Variants in SORCS3 observed in about 807,000 individuals in gnomAD.
SORCS3 encodes sortilin related VPS10 domain containing receptor 3, also known as VPS10 domain-containing receptor SorCS3.
In SORCS3, 57 loss-of-function variants were observed where a neutral mutation model predicts 146.3. The observed-to-expected ratio is 0.39, with a 90% CI of 0.31 to 0.49. SORCS3 has a LOEUF of 0.49. Among genes scored for constraint, SORCS3 ranks in the 20% least tolerant of loss-of-function variants. The pLI is 0.92. For missense variants in SORCS3, 1,341 were observed against 1,575.5 expected (o/e 0.85, Z 2.52); for synonymous variants, 653 against 618.5 (o/e 1.06, Z -0.83).
chr10:104,944,693 G>C (rs560066582), intron 3 of SORCS3, among the ~76,000 whole-genome samples: 1 of 152,274 alleles, frequency 6.6e-6, no homozygotes, highest in African/African-American at 2.4e-5. Context: ...AAAATGAAAA[G>C]ATAATATCAA....
chr10:104,803,046 T>TTGTC (rs1333283991), intron 1 of SORCS3, among the ~76,000 whole-genome samples: 1 of 152,176 alleles, frequency 6.6e-6, no homozygotes, highest in Non-Finnish European at 1.5e-5. Flanking sequence ...CCCTCTAAGT[T>TTGTC]TGTCCTTTTC....
intron 6 of SORCS3, among the ~76,000 whole-genome samples, chr10:105,104,280 TA>T (rs1790946019): frequency 6.6e-6 from 1 of 152,244 alleles, no homozygotes; most frequent in African/African-American, 2.4e-5. Context: ...TTTGATCATT[TA>T]TTTTTAAATT....
intron 2 of SORCS3, among the ~76,000 whole-genome samples, chr10:104,870,001 A>G (rs1162657427): frequency 6.6e-6 from 1 of 152,230 alleles, no homozygotes; most frequent in Non-Finnish European, 1.5e-5. Context: ...GAGTAAATGA[A>G]TGAGTAGATA....
At position 104,940,267 on chromosome 10, in the gene SORCS3, AGTTCTAGGGTACATGTGCACAATGTGC is replaced by A. The variant is rs1185714907; in HGVS notation, c.795+24336_795+24362del. On this transcript the variant is annotated intron_variant, in intron 3 of 26. Coordinates refer to ENST00000369701, the MANE Select transcript of SORCS3 (RefSeq NM_014978.3). ...TTTTTTTTTTTTTTATTATACTTTAAGTTCTAGGGTACATGTGCACAATGTGCAGGTTTCTTACATATGTATACATGT... is the reference window on the plus strand; with the variant it reads ...TTTTTTTTTTTTTTATTATACTTTAAAGGTTTCTTACATATGTATACATGT... 1.2e-3 allele frequency among the ~76,000 whole-genome samples: 113 copies of A among 96,898 alleles called. 1 individual carries two copies. The highest frequency in any genetic ancestry group is 1.7e-3 in the Non-Finnish European group (71 of 42,170). The allele number at this position is 96,898 out of a possible 152,430, so 63.6% of individuals were successfully genotyped here. A position where few individuals can be genotyped will look rare whatever the true frequency, so the allele number is the denominator to read the frequency against.
At chr10:105,200,441 C>T (rs1356143533) in intron 15 of SORCS3, among the ~76,000 whole-genome samples, 1 of 152,086 alleles carries the variant, frequency 6.6e-6, no homozygotes, top group Non-Finnish European at 1.5e-5. Context: ...CCAAGAGTTG[C>T]TCATTTTATC....
intron 25 of SORCS3, 95 bp from the exon 26 acceptor site, chr10:105,262,236 A>G: frequency 8.7e-7 from 1 of 1,146,630 alleles, no homozygotes; most frequent in Non-Finnish European, 1.3e-6. Flanking sequence ...CTTCCTATTA[A>G]TAGCTTCTTC....
intron 1 of SORCS3, among the ~76,000 whole-genome samples, chr10:104,694,960 C>T (rs560040382): frequency 6.6e-6 from 1 of 152,150 alleles, no homozygotes; most frequent in Non-Finnish European, 1.5e-5. Flanking sequence ...TTAGACCAAA[C>T]AGCTTTTCTG....
At chr10:104,649,994 C>G (rs2864026) in intron 1 of SORCS3, among the ~76,000 whole-genome samples, 97,766 of 152,004 alleles carry the variant, frequency 0.64, 31,693 homozygotes, top group East Asian at 0.76. Flanking sequence ...CAAGCAGATC[C>G]CATTGTGCCA....
rs552273787 is a variant in SORCS3, at chr10:105,058,395, C to T, written c.1028+15267C>T. Among the ~76,000 whole-genome samples the T allele has an allele frequency of 1.0e-3, 156 of 152,182 alleles. 2 individuals carry two copies. Among genetic ancestry groups the T allele is most frequent in the Non-Finnish European group, 1.8e-4 (12 of 68,020 alleles). On this transcript the variant is annotated intron_variant, in intron 5 of 26. Coordinates refer to ENST00000369701, the MANE Select transcript of SORCS3 (RefSeq NM_014978.3). Reference sequence around the variant, plus strand: ...TCTTAACATTGCTATCTTCATTTAACGAGTGTCATGGAAGGATGTGACAGT... The same window carrying T: ...TCTTAACATTGCTATCTTCATTTAATGAGTGTCATGGAAGGATGTGACAGT...
Position 105,262,341 on chromosome 10 carries a change from T to C in SORCS3, c.3454T>C (p.Trp1152Arg), listed in dbSNP as rs1239375771. ...TCCTGTCCCATGTAGGAAAATCCCT[T>C]GGATTAACATCTATGCTCAAGTCCA... ...LIYKFKRKIPWINIYAQVQHD... is the reference protein window; with the variant it reads ...LIYKFKRKIPRINIYAQVQHD... Residue 1152 changes from tryptophan (W) to arginine (R), a missense_variant, in exon 26 of 27, where the codon TGG becomes CGG. Coordinates refer to ENST00000369701, the MANE Select transcript of SORCS3 (RefSeq NM_014978.3). 1.2e-6 allele frequency: 2 copies of C among 1,612,830 alleles called. No individual in the cohort carries two copies. The highest frequency in any genetic ancestry group is 2.2e-5 in the South Asian group (2 of 90,970).
At chr10:104,755,259 T>TATTC (rs1457631285) in intron 1 of SORCS3, among the ~76,000 whole-genome samples, 1 of 152,224 alleles carries the variant, frequency 6.6e-6, no homozygotes. Flanking sequence ...TGCAAGGAGA[T>TATTC]ATTCATTCAT....
chr10:104,664,193 G>A (rs1427367081), intron 1 of SORCS3, among the ~76,000 whole-genome samples: 3 of 152,168 alleles, frequency 2.0e-5, no homozygotes, highest in Non-Finnish European at 4.4e-5. Context: ...CTAGGCAGCA[G>A]TTCCATCTGT....
At chr10:104,764,294 T>G (rs1468238236) in intron 1 of SORCS3, among the ~76,000 whole-genome samples, 1 of 152,168 alleles carries the variant, frequency 6.6e-6, no homozygotes. Context: ...GAACTGTAGA[T>G]TCTGATGAAG....
rs2056669033 is a variant in SORCS3, at chr10:105,216,989, G to C, written c.2601G>C (p.Val867=). ...IQLDFGDGIA[V]SYANFSPIED... is the part of the protein sequence containing the mutation. ...TTGACTTTGGGGATGGGATTGCTGT[G>C]TCCTACGCAAACTTCAGCCCCATCG... The change falls in exon 19 of 27, where the codon GTG becomes GTC. Residue 867 remains valine, a synonymous_variant. Transcript: ENST00000369701. The C allele has an allele frequency of 2.5e-6, 4 of 1,614,032 alleles. No homozygotes were observed. Among genetic ancestry groups the C allele is most frequent in the African/African-American group, 1.3e-5 (1 of 74,908 alleles).
At chr10:105,175,269 C>T (rs2056391996) in intron 13 of SORCS3, among the ~76,000 whole-genome samples, 1 of 144,376 alleles carries the variant, frequency 6.9e-6, no homozygotes, top group African/African-American at 2.6e-5. Context: ...CCGTGTTAGT[C>T]AGGCTGGTCT....
rs1289023407 is a variant in SORCS3 at position 104,741,752 on chromosome 10, A to G, written c.627+99798A>G. On this transcript the variant is annotated intron_variant, in intron 1 of 26. Transcript: ENST00000369701. Reference sequence around the variant, plus strand: ...TTTTTTGCCTAGCCTTTGAGTTTTTAATTTTGGTTATTTTATTTTTCAGTT... The same window carrying G: ...TTTTTTGCCTAGCCTTTGAGTTTTTGATTTTGGTTATTTTATTTTTCAGTT... Among the ~76,000 whole-genome samples, 3 of 10,814 alleles carry G rather than the reference A, an allele frequency of 2.8e-4. No homozygotes were observed. In the Admixed American group the frequency reaches 3.1e-3, roughly 11 times the overall value. 7.1% of individuals were successfully genotyped at this position (10,814 alleles called of 152,430 possible).
At chr10:105,112,462 T>C (rs974958609) in intron 7 of SORCS3, among the ~76,000 whole-genome samples, 1 of 152,182 alleles carries the variant, frequency 6.6e-6, no homozygotes, top group Non-Finnish European at 1.5e-5. Context: ...TAAAGTTGCC[T>C]CTGCAGGTTT....
At chr10:104,646,008 G>T (rs994230662) in intron 1 of SORCS3, among the ~76,000 whole-genome samples, 1 of 152,076 alleles carries the variant, frequency 6.6e-6, no homozygotes, top group Non-Finnish European at 1.5e-5. Context: ...CATTCTTCAG[G>T]GTTTTGCCAA....
chr10:104,641,366 G>T lies in SORCS3; in HGVS notation c.39G>T (p.Pro13=). ...AARTERPAGR[P]GAPLVRTGLL... is the part of the protein sequence containing the mutation. ...GCACGGAGCGCCCCGCAGGCAGGCC[G>T]GGGGCGCCGCTTGTCCGGACGGGGC... The change falls in exon 1 of 27, where the codon CCG becomes CCT. Residue 13 remains proline (P), a synonymous_variant. Coordinates refer to ENST00000369701, the MANE Select transcript of SORCS3 (RefSeq NM_014978.3). The surrounding 1 kb of genome is among the most constrained non-coding windows in gnomAD (Gnocchi z 6.4). The T allele has an allele frequency of 7.1e-7, 1 of 1,410,532 alleles. No individual in the cohort carries two copies. The highest frequency in any genetic ancestry group is 1.5e-5 in the South Asian group (1 of 67,210). 87.4% of individuals were successfully genotyped at this position (1,410,532 alleles called of 1,614,324 possible). A position where few individuals can be genotyped will look rare whatever the true frequency, so the allele number is the denominator to read the frequency against.
Sources: gnomAD v4.1 joint callset for allele counts (sites outside exome capture counted in the v4.1 genomes callset) on GRCh38, gnomAD v4.1.1 for gene constraint, Gnocchi (gnomAD v3.1) non-coding constraint, MANE v1.5 for transcripts, NCBI Gene and HGNC (gene_info 2026-07-23, HGNC 2026-07-21) for gene names.